WDFY4: variants seen among roughly 807,000 people sequenced by gnomAD.
The protein encoded by WDFY4 is WDFY family member 4.
A neutral mutation model predicts 351.9 loss-of-function variants in WDFY4; 169 were observed. The observed-to-expected ratio is 0.48, with a 90% CI of 0.42 to 0.55. WDFY4 has a LOEUF of 0.55. WDFY4 is among the 20% of genes least tolerant of loss of function. The pLI, the probability that WDFY4 is intolerant of heterozygous loss-of-function variation, is 0.00. For missense variants in WDFY4, 3,803 were observed against 3,935.6 expected (o/e 0.97, Z 0.90); for synonymous variants, 1,622 against 1,574.6 (o/e 1.03, Z -0.71).
intron 39 of WDFY4, among the ~76,000 whole-genome samples, chr10:48,857,948 T>C (rs532815029): frequency 2.0e-4 from 31 of 152,052 alleles, no homozygotes; most frequent in African/African-American, 7.0e-4. Context: ...CCTGCCACCA[T>C]GCCTGGCTAA....
At chr10:48,789,691 G>A (rs1395577802) in intron 21 of WDFY4, among the ~76,000 whole-genome samples, 183 bp from the exon 22 acceptor site, 1 of 152,226 alleles carries the variant, frequency 6.6e-6, no homozygotes, top group Admixed American at 6.5e-5. Flanking sequence ...GAGACAGAAT[G>A]CATGAGCCTG....
At chr10:48,851,225 A>G (rs912285658) in intron 39 of WDFY4, among the ~76,000 whole-genome samples, 1 of 152,300 alleles carries the variant, frequency 6.6e-6, no homozygotes, top group East Asian at 1.9e-4. Flanking sequence ...GAGGTGCTGC[A>G]AGACTGGGGG....
intron 1 of WDFY4, among the ~76,000 whole-genome samples, chr10:48,699,056 C>A (rs1181344083): frequency 2.0e-5 from 3 of 152,198 alleles, no homozygotes; most frequent in East Asian, 1.9e-4. Flanking sequence ...GGGCTCACAG[C>A]CCCTGCCACG....
chr10:48,832,791 G>A, intron 39 of WDFY4, 82 bp downstream of exon 39: 5 of 1,412,446 alleles, frequency 3.5e-6, no homozygotes, highest in Non-Finnish European at 4.7e-6. Flanking sequence ...TTTGCTGCCT[G>A]TTACTAGACA....
intron 47 of WDFY4, among the ~76,000 whole-genome samples, chr10:48,938,486 G>A (rs963615457): frequency 6.6e-6 from 1 of 152,238 alleles, no homozygotes; most frequent in African/African-American, 2.4e-5. Context: ...GCCAGCCCCC[G>A]ATGGAGGAAG....
intron 39 of WDFY4, among the ~76,000 whole-genome samples, chr10:48,853,095 A>G (rs971754606): frequency 6.6e-6 from 1 of 152,130 alleles, no homozygotes. Flanking sequence ...CTTGGTTTTC[A>G]TGATTTTCCC....
chr10:48,698,475 C>T (rs1381869663), intron 1 of WDFY4, among the ~76,000 whole-genome samples: 2 of 152,144 alleles, frequency 1.3e-5, no homozygotes, highest in African/African-American at 4.8e-5. Flanking sequence ...CAGTGGCCTC[C>T]CGGAGGAACA....
At chr10:48,847,041 G>T (rs565653482) in intron 39 of WDFY4, among the ~76,000 whole-genome samples, 6 of 152,152 alleles carry the variant, frequency 3.9e-5, no homozygotes, top group Non-Finnish European at 7.3e-5. Context: ...TTAGTTTCCT[G>T]GGACAGCCAT....
chr10:48,800,730 C>CTTTTTTTTT (rs57288777), intron 24 of WDFY4, among the ~76,000 whole-genome samples: 6 of 92,808 alleles, frequency 6.5e-5, no homozygotes, highest in Non-Finnish European at 6.2e-5. Flanking sequence ...TTCATTCTTT[C>CTTTTTTTTT]TTTTTTTTTT....
chr10:48,892,319 T>C (rs1836851897), intron 44 of WDFY4, among the ~76,000 whole-genome samples: 2 of 152,350 alleles, frequency 1.3e-5, no homozygotes, highest in South Asian at 4.1e-4. Flanking sequence ...TCTGCACTTT[T>C]AATAGAAGCC....
chr10:48,918,342 A>C (rs1451659332), intron 47 of WDFY4, among the ~76,000 whole-genome samples: 4 of 152,352 alleles, frequency 2.6e-5, no homozygotes, highest in African/African-American at 9.6e-5. Context: ...TAAAGAAAGT[A>C]TACTTTAAAT....
intron 40 of WDFY4, 32 bp downstream of exon 40, chr10:48,867,374 A>C (rs1389809496): frequency 7.3e-7 from 1 of 1,371,434 alleles, no homozygotes; most frequent in Non-Finnish European, 9.7e-7. Flanking sequence ...TTCTCTATAC[A>C]GCAAGCTGGA....
At chr10:48,727,701 A>C in intron 7 of WDFY4, 42 bp downstream of exon 7, 2 of 1,545,556 alleles carry the variant, frequency 1.3e-6, no homozygotes, top group Non-Finnish European at 1.8e-6. Context: ...CAGGACCACC[A>C]AAGCCTTAGT....
At chr10:48,834,697 G>A (rs1480527780) in intron 39 of WDFY4, among the ~76,000 whole-genome samples, 1 of 152,196 alleles carries the variant, frequency 6.6e-6, no homozygotes, top group African/African-American at 2.4e-5. Context: ...AGGAGGTCAG[G>A]ACAGCCTGGC....
At chr10:48,737,804 G>A (rs1429437850) in intron 11 of WDFY4, among the ~76,000 whole-genome samples, 1 of 152,164 alleles carries the variant, frequency 6.6e-6, no homozygotes, top group Non-Finnish European at 1.5e-5. Context: ...GTAAGGGAGA[G>A]ATATATCAAA....
chr10:48,966,601 A>T lies in WDFY4; in HGVS notation c.8512A>T (p.Ser2838Cys). 6.4e-7 allele frequency: 1 copy of T among 1,551,950 alleles called. No homozygotes were observed. Among genetic ancestry groups the T allele is most frequent in the Non-Finnish European group, 8.7e-7 (1 of 1,147,046 alleles). ...TGGAAAGGATGTCTCCACCCCCGTG[A>T]GCCTGCCTGGCCACCCACAGCCCTT... Reference protein sequence around the residue: ...LPGKDVSTPVSLPGHPQPFFY... With the variant: ...LPGKDVSTPVCLPGHPQPFFY... Residue 2838 changes from serine (S) to cysteine (C), a missense_variant, in exon 55 of 62, where the codon AGC (serine) becomes TGC (cysteine). Coordinates refer to ENST00000325239, the MANE Select transcript of WDFY4 (RefSeq NM_001394531.1).
chr10:48,890,550 C>T (rs2070651631), intron 43 of WDFY4, 29 bp from the exon 44 acceptor site: 1 of 1,551,308 alleles, frequency 6.4e-7, no homozygotes, highest in African/African-American at 1.4e-5. Flanking sequence ...TCCTGTGCAC[C>T]ACCTGACTCT....
chr10:48,803,965 C>A (rs1292619777), intron 25 of WDFY4, among the ~76,000 whole-genome samples: 1 of 152,154 alleles, frequency 6.6e-6, no homozygotes, highest in East Asian at 1.9e-4. Flanking sequence ...CTGGGCAGCT[C>A]CTCAGAGCAC....
intron 5 of WDFY4, among the ~76,000 whole-genome samples, chr10:48,723,970 A>G (rs1319919082): frequency 6.6e-6 from 1 of 151,826 alleles, no homozygotes; most frequent in African/African-American, 2.4e-5. Context: ...TTGAGTTTAC[A>G]TGTTCTCGGT....
Sources: gnomAD v4.1 joint callset for allele counts (sites outside exome capture counted in the v4.1 genomes callset) on GRCh38, gnomAD v4.1.1 for gene constraint, MANE v1.5 for transcripts, NCBI Gene and HGNC (gene_info 2026-07-23, HGNC 2026-07-21) for gene names.